The following IL1RAP variants were observed in gnomAD, a reference collection of about 807,000 sequenced individuals.
The protein encoded by IL1RAP is interleukin-1 receptor accessory protein.
A neutral mutation model predicts 60.7 loss-of-function variants in IL1RAP; 35 were observed. That is an observed-to-expected ratio of 0.58 (90% CI 0.44 to 0.76). The LOEUF (loss-of-function observed/expected upper bound fraction) is 0.76, where lower values mean the gene tolerates loss of function less well. IL1RAP is among the 30% of genes least tolerant of loss of function. The probability of loss-of-function intolerance (pLI) is 0.00; values close to 1 mark genes in which losing one functional copy is unlikely to be tolerated. For synonymous variants in IL1RAP, 268 were observed against 250.9 expected (o/e 1.07, Z -0.64); for missense variants, 572 against 693.9 (o/e 0.82, Z 1.97).
At chr3:190,550,544 C>G (rs184098263) in intron 1 of IL1RAP, 1 of 152,240 alleles carries the variant, frequency 6.6e-6, no homozygotes, top group African/African-American at 2.4e-5. Flanking sequence ...GGGTGCATGG[C>G]GCTTGGCTTT....
chr3:190,588,311 A>C (rs1728644578), intron 3 of IL1RAP, among the ~76,000 whole-genome samples: 1 of 152,172 alleles, frequency 6.6e-6, no homozygotes, highest in African/African-American at 2.4e-5. Context: ...ATGGAGTTTC[A>C]CCATGTTGGC....
In IL1RAP at chr3:190,648,882, G is replaced by C. The variant is rs1171226950; in HGVS notation, c.*177G>C. On this transcript the variant is annotated 3_prime_UTR_variant, in exon 12 of 12. Coordinates refer to ENST00000447382, the MANE Select transcript of IL1RAP (RefSeq NM_002182.4). ...TTCTGCTTCCTCAGGCAACACTAAAGTTTAGAAAGATATCATCAACGTTCT... is the reference window on the plus strand; with the variant it reads ...TTCTGCTTCCTCAGGCAACACTAAACTTTAGAAAGATATCATCAACGTTCT... The C allele has an allele frequency of 2.9e-6, 4 of 1,396,158 alleles. No individual in the cohort carries two copies. The highest frequency in any genetic ancestry group is 3.7e-6 in the Non-Finnish European group (4 of 1,077,998). The allele number at this position is 1,396,158 out of a possible 1,614,324, so 86.5% of individuals were successfully genotyped here. A position where few individuals can be genotyped will look rare whatever the true frequency, so the allele number is the denominator to read the frequency against.
At chr3:190,656,036 T>C, downstream of IL1RAP, 5 of 1,537,192 alleles carry the variant, frequency 3.3e-6, no homozygotes, top group Non-Finnish European at 4.4e-6. Context: ...ACCAAGCTCA[T>C]TGTGGTTGAG....
intron 3 of IL1RAP, among the ~76,000 whole-genome samples, chr3:190,565,876 C>A (rs1726342253): frequency 6.6e-6 from 1 of 152,100 alleles, no homozygotes; most frequent in Admixed American, 6.6e-5. Flanking sequence ...AAATCCCTAC[C>A]AGTCACTCTC....
intron 5 of IL1RAP, 59 bp downstream of exon 5, chr3:190,609,240 A>G: frequency 8.5e-7 from 1 of 1,174,478 alleles, no homozygotes; most frequent in Non-Finnish European, 1.2e-6. Flanking sequence ...GATAATGCTT[A>G]TTTGCTGAGT....
intron 1 of IL1RAP, among the ~76,000 whole-genome samples, chr3:190,542,173 A>T (rs1357916342): frequency 6.6e-6 from 1 of 152,114 alleles, no homozygotes; most frequent in Non-Finnish European, 1.5e-5. Flanking sequence ...GTGAATTTTT[A>T]TCTTTCTTAA....
chr3:190,559,659 A>T (rs539209553), intron 2 of IL1RAP, among the ~76,000 whole-genome samples: 11 of 152,260 alleles, frequency 7.2e-5, no homozygotes, highest in South Asian at 4.1e-4. Context: ...TAAGGCATGT[A>T]TTTTAATTTT....
At chr3:190,588,627 A>G (rs539913483) in intron 3 of IL1RAP, among the ~76,000 whole-genome samples, 27 of 152,188 alleles carry the variant, frequency 1.8e-4, no homozygotes, top group African/African-American at 5.8e-4. Flanking sequence ...TCTTCAAATG[A>G]CTGTGAGTTA....
intron 5 of IL1RAP, among the ~76,000 whole-genome samples, chr3:190,610,639 C>T (rs560146597): frequency 2.0e-5 from 3 of 151,974 alleles, no homozygotes; most frequent in South Asian, 4.2e-4. Context: ...ACTTTATCAG[C>T]GAAACATAAA....
chr3:190,562,238 G>T (rs972451342), intron 2 of IL1RAP, among the ~76,000 whole-genome samples: 8 of 152,134 alleles, frequency 5.3e-5, no homozygotes, highest in Admixed American at 1.3e-4. Context: ...ATCCATACCA[G>T]TTCAAATGTC....
chr3:190,618,956 G>A (rs895006043), intron 5 of IL1RAP, among the ~76,000 whole-genome samples: 4 of 152,144 alleles, frequency 2.6e-5, no homozygotes, highest in Non-Finnish European at 4.4e-5. Context: ...ATATTTCAAA[G>A]TACATGCTCC....
chr3:190,569,174 A>G lies in IL1RAP; in HGVS notation c.64+4821A>G, dbSNP rs1008616994. Reference sequence around the variant, plus strand: ...AGGACGGGAATTACTTCAGGTAAAGAGAATGTCCACATTTAATGTATTTTG... The same window carrying G: ...AGGACGGGAATTACTTCAGGTAAAGGGAATGTCCACATTTAATGTATTTTG... On this transcript the variant is annotated intron_variant, in intron 3 of 11. Transcript: ENST00000447382. Among the ~76,000 whole-genome samples, 13 of 152,346 alleles carry G rather than the reference A, an allele frequency of 8.5e-5. No homozygotes were observed. The Middle Eastern group carries it at 0.01, about 120-fold the overall frequency.
At chr3:190,562,764 A>C (rs1201404646) in intron 2 of IL1RAP, among the ~76,000 whole-genome samples, 1 of 151,212 alleles carries the variant, frequency 6.6e-6, no homozygotes, top group South Asian at 2.1e-4. Flanking sequence ...CACACACACA[A>C]ACTAAAAAAT....
At chr3:190,521,355 C>T (rs577999776) in intron 1 of IL1RAP, among the ~76,000 whole-genome samples, 24 of 151,826 alleles carry the variant, frequency 1.6e-4, no homozygotes, top group Non-Finnish European at 2.9e-4. Context: ...TAATGTTTTA[C>T]ATCATGAGTC....
rs1196810865 is a variant in IL1RAP at position 190,648,496 on chromosome 3, C to G, written c.1504C>G (p.Gln502Glu). The G allele has an allele frequency of 6.2e-7, 1 of 1,613,950 alleles. No individual in the cohort carries two copies. The highest frequency in any genetic ancestry group is 8.5e-7 in the Non-Finnish European group (1 of 1,180,006). ...GGGCAACATCAACGTCATTTTAGTA[C>G]AGTACAAAGCTGTGAAGGAAACGAA... ...SRGNINVILV[Q>E]YKAVKETKVK... Residue 502 changes from glutamine to glutamate, a missense_variant, in exon 12 of 12, where the codon CAG (glutamine) becomes GAG (glutamate). Coordinates refer to ENST00000447382, the MANE Select transcript of IL1RAP (RefSeq NM_002182.4).
intron 9 of IL1RAP, among the ~76,000 whole-genome samples, chr3:190,637,833 G>GTT (rs372264613): frequency 6.7e-5 from 10 of 148,814 alleles, no homozygotes; most frequent in East Asian, 5.9e-4. Context: ...TTTTAGAATA[G>GTT]TTTTTTTTTT....
chr3:190,626,880 G>C (rs1021486345), intron 7 of IL1RAP, among the ~76,000 whole-genome samples: 5 of 151,970 alleles, frequency 3.3e-5, no homozygotes, highest in African/African-American at 1.2e-4. Flanking sequence ...ATGTTGGCCA[G>C]GCTGGTCTTG....
chr3:190,595,522 T>C (rs924053219), intron 3 of IL1RAP, among the ~76,000 whole-genome samples: 1 of 152,218 alleles, frequency 6.6e-6, no homozygotes, highest in African/African-American at 2.4e-5. Context: ...TAATATTTCC[T>C]GAGGACCCAA....
intron 3 of IL1RAP, among the ~76,000 whole-genome samples, chr3:190,580,300 C>T (rs751850630): frequency 1.3e-5 from 2 of 152,148 alleles, no homozygotes; most frequent in Admixed American, 6.5e-5. Context: ...TTGTGTATCT[C>T]GTGTTCAACT....
Sources: gnomAD v4.1 joint callset for allele counts (sites outside exome capture counted in the v4.1 genomes callset) on GRCh38, gnomAD v4.1.1 for gene constraint, MANE v1.5 for transcripts, NCBI Gene and HGNC (gene_info 2026-07-23, HGNC 2026-07-21) for gene names.